Variants in NELL1 observed in about 807,000 individuals in gnomAD.
NELL1 encodes the protein protein kinase C-binding protein NELL1.
In NELL1, 76 loss-of-function variants were observed where a neutral mutation model predicts 107.4. The ratio of observed to expected loss-of-function variants is 0.71; its 90% CI spans 0.59 to 0.86. NELL1 has a LOEUF of 0.86. Ranked by LOEUF, NELL1 falls within the 40% of genes least tolerant of loss-of-function variation. The pLI is 0.00. For synonymous variants in NELL1, 353 were observed against 341.2 expected (o/e 1.03, Z -0.38); for missense variants, 1,024 against 1,005.5 (o/e 1.02, Z -0.25).
At chr11:21,489,380 C>CAGAAAAA (rs1491301138) in intron 15 of NELL1, among the ~76,000 whole-genome samples, 49 of 47,792 alleles carry the variant, frequency 1.0e-3, no homozygotes, top group Admixed American at 1.9e-3. Context: ...GAAAGTATTT[C>CAGAAAAA]AAAAAAAAAA....
At chr11:21,473,728 G>A (rs1392868666) in intron 15 of NELL1, among the ~76,000 whole-genome samples, 1 of 151,998 alleles carries the variant, frequency 6.6e-6, no homozygotes, top group Non-Finnish European at 1.5e-5. Context: ...CAGTTTTTTG[G>A]AAGATGAATA....
At chr11:21,188,785 A>G (rs564080184) in intron 13 of NELL1, among the ~76,000 whole-genome samples, 2 of 151,900 alleles carry the variant, frequency 1.3e-5, no homozygotes, top group African/African-American at 4.9e-5. Flanking sequence ...ATATTTTTAG[A>G]ATTCTTTCCA....
intron 12 of NELL1, among the ~76,000 whole-genome samples, chr11:21,040,244 A>G (rs150578503): frequency 1.3e-5 from 2 of 152,038 alleles, no homozygotes; most frequent in Non-Finnish European, 2.9e-5. Flanking sequence ...GTAAACATCA[A>G]TTGAATGGTT....
chr11:20,822,453 T>G (rs1247516552), intron 3 of NELL1, among the ~76,000 whole-genome samples: 1 of 152,198 alleles, frequency 6.6e-6, no homozygotes, highest in Non-Finnish European at 1.5e-5. Flanking sequence ...CGACAAACTT[T>G]TTTTTTCTTC....
intron 3 of NELL1, among the ~76,000 whole-genome samples, chr11:20,812,891 C>T (rs1244734612): frequency 1.3e-5 from 2 of 150,212 alleles, no homozygotes; most frequent in African/African-American, 4.9e-5. Context: ...GCCTGTAGTC[C>T]CAGCTACTCG....
At chr11:21,127,571 GAGA>G (rs1460368057) in intron 13 of NELL1, among the ~76,000 whole-genome samples, 1 of 151,854 alleles carries the variant, frequency 6.6e-6, no homozygotes, top group Non-Finnish European at 1.5e-5. Context: ...GCTATGATCC[GAGA>G]AGAAGAAGAG....
At position 20,669,662 on chromosome 11, in the gene NELL1, C is replaced by G; in HGVS notation, c.-62C>G. 1 of 1,444,680 alleles carries G rather than the reference C, an allele frequency of 6.9e-7. No individual in the cohort carries two copies. The highest frequency in any genetic ancestry group is 1.4e-5 in the African/African-American group (1 of 71,294). 89.5% of individuals were successfully genotyped at this position (1,444,680 alleles called of 1,614,324 possible). A position where few individuals can be genotyped will look rare whatever the true frequency, so the allele number is the denominator to read the frequency against. On this transcript the variant is annotated 5_prime_UTR_variant, in exon 1 of 20. The change creates a new upstream start codon in the 5' untranslated region. Coordinates refer to ENST00000357134, the MANE Select transcript of NELL1 (RefSeq NM_006157.5). The surrounding 1 kb of genome is among the most constrained non-coding windows in gnomAD (Gnocchi z 4.4). ...CTCCAAGCCAGGCGCGCCTCAGGAT[C>G]CAGGCTCATTTGCTTCCACCTAGCT...
At position 21,325,210 on chromosome 11, in the gene NELL1, A is replaced by G. The variant is rs377172554; in HGVS notation, c.1550-45643A>G. Among the ~76,000 whole-genome samples, 186 of 152,092 alleles carry G rather than the reference A, an allele frequency of 1.2e-3. 1 individual carries two copies. Among genetic ancestry groups the G allele is most frequent in the African/African-American group, 3.7e-3 (155 of 41,524 alleles). On this transcript the variant is annotated intron_variant, in intron 14 of 19. Coordinates refer to ENST00000357134, the MANE Select transcript of NELL1 (RefSeq NM_006157.5). ...GTATGACTACTTTAATCTCTCTTATATCGTGTTTTGTCAGACTGAATATAT... is the reference window on the plus strand; with the variant it reads ...GTATGACTACTTTAATCTCTCTTATGTCGTGTTTTGTCAGACTGAATATAT...
chr11:21,554,870 A>C (rs990795987), intron 16 of NELL1, among the ~76,000 whole-genome samples: 13 of 151,984 alleles, frequency 8.6e-5, no homozygotes, highest in African/African-American at 3.1e-4. Context: ...TTTAGCACTG[A>C]AAGTCAGCTA....
intron 3 of NELL1, among the ~76,000 whole-genome samples, chr11:20,836,078 C>A (rs1848529667): frequency 6.6e-6 from 1 of 152,016 alleles, no homozygotes; most frequent in African/African-American, 2.4e-5. Flanking sequence ...TGAAACTCAA[C>A]AATAAGTAAA....
intron 15 of NELL1, among the ~76,000 whole-genome samples, chr11:21,454,306 A>G (rs905125776): frequency 6.6e-6 from 1 of 150,692 alleles, no homozygotes; most frequent in African/African-American, 2.4e-5. Flanking sequence ...TATATGCCAC[A>G]TTTTCTTAAT....
At chr11:20,925,196 T>C (rs549460363) in intron 7 of NELL1, among the ~76,000 whole-genome samples, 2 of 152,308 alleles carry the variant, frequency 1.3e-5, no homozygotes, top group Admixed American at 1.3e-4. Context: ...CAGCAGTGTA[T>C]TTTATCCGTT....
At chr11:20,933,670 C>T (rs1156279277) in intron 9 of NELL1, among the ~76,000 whole-genome samples, 2 of 152,138 alleles carry the variant, frequency 1.3e-5, no homozygotes, top group African/African-American at 4.8e-5. Context: ...GGAGTGTGTG[C>T]AGGGTACAAA....
At chr11:21,545,462 A>G (rs1856418460) in intron 16 of NELL1, among the ~76,000 whole-genome samples, 1 of 151,934 alleles carries the variant, frequency 6.6e-6, no homozygotes, top group African/African-American at 2.4e-5. Context: ...GAACTTGAAG[A>G]GTAAGAGTTG....
chr11:20,705,918 C>G (rs143422780), intron 2 of NELL1, among the ~76,000 whole-genome samples: 5,355 of 152,230 alleles, frequency 0.035, 321 homozygotes, highest in African/African-American at 0.12. Context: ...TGAAAAAATG[C>G]TCATCATGAC....
At chr11:20,700,519 AT>A (rs1184713961) in intron 2 of NELL1, among the ~76,000 whole-genome samples, 2 of 151,522 alleles carry the variant, frequency 1.3e-5, no homozygotes, top group Non-Finnish European at 2.9e-5. Context: ...TTTCAATAAA[AT>A]TTTTTTTATT....
intron 15 of NELL1, among the ~76,000 whole-genome samples, chr11:21,476,541 A>AAGAT (rs1249698250): frequency 6.6e-6 from 1 of 152,162 alleles, no homozygotes; most frequent in African/African-American, 2.4e-5. Flanking sequence ...GAAATGGAGC[A>AAGAT]AGATAGCCGA....
intron 15 of NELL1, among the ~76,000 whole-genome samples, chr11:21,483,809 G>T (rs1257936653): frequency 4.1e-5 from 6 of 147,352 alleles, no homozygotes; most frequent in African/African-American, 1.2e-4. Context: ...ATATTGTGTG[G>T]TTATTATACC....
chr11:21,298,215 TA>T (rs1849414280), intron 14 of NELL1, among the ~76,000 whole-genome samples: 1 of 152,040 alleles, frequency 6.6e-6, no homozygotes, highest in Non-Finnish European at 1.5e-5. Flanking sequence ...TGGTTGGTTC[TA>T]ATTCTTGTGA....
Sources: gnomAD v4.1 joint callset for allele counts (sites outside exome capture counted in the v4.1 genomes callset) on GRCh38, gnomAD v4.1.1 for gene constraint, Gnocchi (gnomAD v3.1) non-coding constraint, MANE v1.5 for transcripts, NCBI Gene and HGNC (gene_info 2026-07-23, HGNC 2026-07-21) for gene names.